PIK3CB: variants seen among roughly 807,000 people sequenced by gnomAD.
PIK3CB encodes the protein phosphatidylinositol-4,5-bisphosphate 3-kinase catalytic subunit beta, also known as phosphatidylinositol 4,5-bisphosphate 3-kinase catalytic subunit beta isoform.
A neutral mutation model predicts 136.8 loss-of-function variants in PIK3CB; 39 were observed. The ratio of observed to expected loss-of-function variants is 0.29; its 90% CI spans 0.22 to 0.37. The LOEUF (loss-of-function observed/expected upper bound fraction) is 0.37, where lower values mean the gene tolerates loss of function less well. Among genes scored for constraint, PIK3CB ranks in the 10% least tolerant of loss-of-function variants. PIK3CB has a pLI of 1.00. For synonymous variants in PIK3CB, 428 were observed against 436.6 expected, an observed-to-expected ratio of 0.98 and a Z score of 0.25; for missense variants, 868 against 1,275.4, an observed-to-expected ratio of 0.68 and a Z score of 4.87.
At chr3:138,832,242 C>T (rs1186338245) in intron 1 of PIK3CB, among the ~76,000 whole-genome samples, 1 of 152,066 alleles carries the variant, frequency 6.6e-6, no homozygotes, top group Non-Finnish European at 1.5e-5. Flanking sequence ...GCAAGAGGTG[C>T]AAAATGACAA....
At chr3:138,828,633 A>G (rs1202167376) in intron 1 of PIK3CB, among the ~76,000 whole-genome samples, 1 of 152,052 alleles carries the variant, frequency 6.6e-6, no homozygotes, top group East Asian at 1.9e-4. Flanking sequence ...GAGAGGTGAA[A>G]TGTGCCTAAA....
At chr3:138,735,180 C>T (rs2045077852) in intron 6 of PIK3CB, among the ~76,000 whole-genome samples, 1 of 151,926 alleles carries the variant, frequency 6.6e-6, no homozygotes, top group East Asian at 1.9e-4. Context: ...AACTCCTGAG[C>T]TGAAGTGATC....
At chr3:138,712,151 T>G in intron 10 of PIK3CB, 57 bp downstream of exon 10, 1 of 759,478 alleles carries the variant, frequency 1.3e-6, no homozygotes, top group South Asian at 1.7e-5. Flanking sequence ...TATTACCTAG[T>G]CCACATGCCA....
intron 19 of PIK3CB, among the ~76,000 whole-genome samples, chr3:138,677,832 T>A (rs1056205462): frequency 6.6e-6 from 1 of 151,864 alleles, no homozygotes; most frequent in Non-Finnish European, 1.5e-5. Flanking sequence ...GAGGCGGAGG[T>A]TGCAGTGAGC....
chr3:138,671,520 C>A (rs2043532583), intron 19 of PIK3CB, among the ~76,000 whole-genome samples: 1 of 152,162 alleles, frequency 6.6e-6, no homozygotes, highest in South Asian at 2.1e-4. Flanking sequence ...GAAAAAAAGA[C>A]CTCTAGGTTC....
At chr3:138,811,846 T>C (rs1933079879) in intron 1 of PIK3CB, among the ~76,000 whole-genome samples, 1 of 152,024 alleles carries the variant, frequency 6.6e-6, no homozygotes, top group Admixed American at 6.6e-5. Flanking sequence ...CCCAGCACTT[T>C]GGGAGACCAA....
chr3:138,766,110 A>G (rs1230682677), intron 2 of PIK3CB, among the ~76,000 whole-genome samples: 1 of 152,248 alleles, frequency 6.6e-6, no homozygotes, highest in Admixed American at 6.5e-5. Context: ...GATCTCACCT[A>G]TAACTTAAAG....
At chr3:138,804,155 A>G (rs554758781) in intron 1 of PIK3CB, among the ~76,000 whole-genome samples, 5 of 151,906 alleles carry the variant, frequency 3.3e-5, no homozygotes, top group African/African-American at 7.3e-5. Context: ...AAAATTTTTT[A>G]AAAAAAGAAG....
intron 17 of PIK3CB, 103 bp downstream of exon 17, chr3:138,684,522 T>A: frequency 1.4e-6 from 1 of 735,874 alleles, no homozygotes; most frequent in South Asian, 3.2e-5. Context: ...CTTAATTATA[T>A]TCTACTTCCT....
intron 2 of PIK3CB, among the ~76,000 whole-genome samples, chr3:138,776,306 C>A (rs905631696): frequency 6.6e-6 from 1 of 152,142 alleles, no homozygotes; most frequent in Non-Finnish European, 1.5e-5. Context: ...CTACTAAAAC[C>A]AACCCATACC....
rs2043355663 is a variant in PIK3CB, at chr3:138,664,060, A to C, written c.2673-31T>G. ...CAAGAGAAAAGAACAGAAGCAAAAA[A>C]GGTTTTCAGCCTCCAAGCGTGTAGA... On this transcript the variant is annotated intron_variant, in intron 20 of 23. Coordinates refer to ENST00000674063, the MANE Select transcript of PIK3CB (RefSeq NM_006219.3). 1.9e-6 allele frequency: 3 copies of C among 1,609,670 alleles called. No homozygotes were observed. The Admixed American group carries it at 5.1e-5, about 27-fold the overall frequency.
At chr3:138,822,288 C>T (rs368988282) in intron 1 of PIK3CB, among the ~76,000 whole-genome samples, 41 of 152,164 alleles carry the variant, frequency 2.7e-4, no homozygotes, top group African/African-American at 9.4e-4. Flanking sequence ...AATCCCAGCA[C>T]TTTGGGAGGC....
chr3:138,834,639 C>G (rs1934192428), intron 1 of PIK3CB, 56 bp downstream of exon 1: 1 of 153,732 alleles, frequency 6.5e-6, no homozygotes, highest in Non-Finnish European at 1.4e-5. Context: ...CAGCCGGCGC[C>G]GCGACCCAGC....
chr3:138,716,991 C>T (rs1034989401), intron 8 of PIK3CB, among the ~76,000 whole-genome samples: 1 of 148,982 alleles, frequency 6.7e-6, no homozygotes. Context: ...CACGGTGGCT[C>T]ATGCCTGTAA....
chr3:138,778,115 C>A, intron 2 of PIK3CB: 1 of 384,208 alleles, frequency 2.6e-6, no homozygotes, highest in Non-Finnish European at 5.1e-6. Context: ...ATTGTGGAGA[C>A]CACTGGCATC....
intron 1 of PIK3CB, among the ~76,000 whole-genome samples, chr3:138,808,325 T>C (rs565421319): frequency 5.6e-4 from 86 of 152,250 alleles, no homozygotes; most frequent in African/African-American, 2.0e-3. Flanking sequence ...TCATGTAATA[T>C]GTAAACCTAT....
chr3:138,727,755 T>A (rs2044871368), intron 8 of PIK3CB, among the ~76,000 whole-genome samples: 1 of 152,184 alleles, frequency 6.6e-6, no homozygotes, highest in Admixed American at 6.5e-5. Context: ...ACAAAACAAA[T>A]TCTCTGAAAG....
chr3:138,806,852 G>A (rs976621976), intron 1 of PIK3CB, among the ~76,000 whole-genome samples: 3 of 152,178 alleles, frequency 2.0e-5, no homozygotes, highest in Admixed American at 6.6e-5. Flanking sequence ...ACAAGAAACT[G>A]GAATATTGCA....
intron 1 of PIK3CB, among the ~76,000 whole-genome samples, chr3:138,798,103 T>C (rs1211111383): frequency 2.6e-5 from 4 of 152,220 alleles, no homozygotes; most frequent in East Asian, 1.9e-4. Flanking sequence ...ACCTTTGAGA[T>C]TGGTGGATTT....
Sources: gnomAD v4.1 joint callset for allele counts (sites outside exome capture counted in the v4.1 genomes callset) on GRCh38, gnomAD v4.1.1 for gene constraint, MANE v1.5 for transcripts, NCBI Gene and HGNC (gene_info 2026-07-23, HGNC 2026-07-21) for gene names.